TFB1M: variants seen among roughly 807,000 people sequenced by gnomAD.
TFB1M encodes the protein dimethyladenosine transferase 1, mitochondrial.
In TFB1M, 27 loss-of-function variants were observed where a neutral mutation model predicts 31.1. The ratio of observed to expected loss-of-function variants is 0.87; its 90% CI spans 0.64 to 1.20. TFB1M has a LOEUF of 1.20. TFB1M is among the 50% of genes most tolerant of loss of function. The pLI is 0.00. For missense variants in TFB1M, 394 were observed against 418.7 expected (o/e 0.94, Z 0.51); for synonymous variants, 166 against 151.8 (o/e 1.09, Z -0.69).
At chr6:155,278,202 A>G (rs187383699) in intron 5 of TFB1M, among the ~76,000 whole-genome samples, 12 of 152,258 alleles carry the variant, frequency 7.9e-5, no homozygotes, top group African/African-American at 2.6e-4. Context: ...CCTCACTACC[A>G]AAGCTCCTGC....
chr6:155,254,079 G>A (rs764865809), downstream of TFB1M: 21 of 1,605,260 alleles, frequency 1.3e-5, no homozygotes, highest in Non-Finnish European at 1.8e-5. Flanking sequence ...GACTTCCAAA[G>A]ATTAAAACCA....
chr6:155,286,786 G>A lies in TFB1M; in HGVS notation c.547-1509C>T, dbSNP rs141522870. 3.2e-3 allele frequency among the ~76,000 whole-genome samples: 479 copies of A among 151,420 alleles called. 6 individuals are homozygous for A. The highest frequency in any genetic ancestry group is 3.3e-3 in the Non-Finnish European group (226 of 67,866). On this transcript the variant is annotated intron_variant, in intron 4 of 6. Transcript: ENST00000367166. The stretch of plus-strand genomic sequence containing the variant: ...GAGGCCAGGAGTTCAAGATCAGCCT[G>A]GGCAACAGAGCAAGACGCCCTCCTC...
chr6:155,258,878 T>A (rs1316706152), intron 6 of TFB1M, among the ~76,000 whole-genome samples: 1 of 144,718 alleles, frequency 6.9e-6, no homozygotes, highest in Non-Finnish European at 1.5e-5. Flanking sequence ...ATCTTTGAGT[T>A]CAGTTTCATG....
At chr6:155,231,893 G>C in the TFB1M span, among the ~76,000 whole-genome samples, 1 of 152,194 alleles carries the variant, frequency 6.6e-6, no homozygotes, top group Non-Finnish European at 1.5e-5. Flanking sequence ...TGACCAACAT[G>C]ATGAAACTGA....
At chr6:155,263,724 T>G (rs1784494517) in intron 5 of TFB1M, among the ~76,000 whole-genome samples, 1 of 152,168 alleles carries the variant, frequency 6.6e-6, no homozygotes, top group Non-Finnish European at 1.5e-5. Flanking sequence ...GACGTACAAC[T>G]CAGTTCCTGA....
chr6:155,261,607 C>T (rs1226635793), intron 5 of TFB1M, among the ~76,000 whole-genome samples: 9 of 152,126 alleles, frequency 5.9e-5, no homozygotes, highest in African/African-American at 1.4e-4. Context: ...CAGCCTGACG[C>T]GCTTGTGGGA....
the TFB1M span, among the ~76,000 whole-genome samples, chr6:155,245,033 C>T: frequency 5.8e-4 from 88 of 152,288 alleles, no homozygotes; most frequent in African/African-American, 2.0e-3. Flanking sequence ...TTGTTGACCA[C>T]GTACGTGCTC....
At chr6:155,312,970 G>C (rs1338450216) in intron 1 of TFB1M, among the ~76,000 whole-genome samples, 1 of 152,086 alleles carries the variant, frequency 6.6e-6, no homozygotes, top group African/African-American at 2.4e-5. Context: ...GGAAACTACT[G>C]GACATGGTGG....
intron 4 of TFB1M, among the ~76,000 whole-genome samples, chr6:155,287,551 AGTGT>A (rs150032717): frequency 3.4e-4 from 50 of 147,512 alleles, no homozygotes; most frequent in African/African-American, 1.2e-3. Flanking sequence ...ATTTACTCTG[AGTGT>A]GTGTGTGTGT....
chr6:155,250,187 T>TTGTC, the TFB1M span, among the ~76,000 whole-genome samples: 1 of 152,158 alleles, frequency 6.6e-6, no homozygotes, highest in East Asian at 1.9e-4. Flanking sequence ...CACGTTCACA[T>TTGTC]TGTCTGGAAC....
intron 4 of TFB1M, among the ~76,000 whole-genome samples, chr6:155,295,095 A>G (rs537231343): frequency 1.3e-5 from 2 of 152,336 alleles, no homozygotes; most frequent in African/African-American, 4.8e-5. Flanking sequence ...GGCTGGGCGC[A>G]GTGGCTCACG....
At chr6:155,274,882 TTTA>T (rs1785096116) in intron 5 of TFB1M, among the ~76,000 whole-genome samples, 1 of 152,244 alleles carries the variant, frequency 6.6e-6, no homozygotes, top group African/African-American at 2.4e-5. Flanking sequence ...GTGGCCTTAA[TTTA>T]TTTTCTTCCT....
chr6:155,257,830 C>CG lies in TFB1M; in HGVS notation c.*5_*6insC. On this transcript the variant is annotated 3_prime_UTR_variant, in exon 7 of 7. Transcript: ENST00000367166. ...ATCTGGTAGGCTGCTCGCCCCCAGG[C>CG]AGCAGCTAGAGTCTGTAATTCTCTG... is the stretch of plus-strand genomic sequence containing the variant. The CG allele has an allele frequency of 6.2e-7, 1 of 1,614,064 alleles. No individual in the cohort carries two copies. Among genetic ancestry groups the CG allele is most frequent in the East Asian group, 2.2e-5 (1 of 44,888 alleles).
At chr6:155,254,370 C>T (rs371947557), downstream of TFB1M, 143 of 1,593,118 alleles carry the variant, frequency 9.0e-5, no homozygotes, top group Middle Eastern at 5.0e-4. Context: ...AATGGAAGCA[C>T]GATGAACACT....
chr6:155,304,940 C>G (rs1007458484), intron 2 of TFB1M, among the ~76,000 whole-genome samples: 2 of 150,036 alleles, frequency 1.3e-5, no homozygotes, highest in African/African-American at 4.9e-5. Context: ...TGATTTTTGA[C>G]AATAGTACTA....
rs1784048020 is a variant in TFB1M at position 155,256,595 on chromosome 6, C to T, written c.*1241G>A. On this transcript the variant is annotated 3_prime_UTR_variant, in exon 7 of 7. Coordinates refer to ENST00000367166, the MANE Select transcript of TFB1M (RefSeq NM_016020.4). The stretch of plus-strand genomic sequence containing the variant: ...GACGAGGGCAGCTTGAGCAGCGGCA[C>T]CCAGAGCAGCGGCTGCCCCACGGCT... 6.2e-7 allele frequency: 1 copy of T among 1,614,046 alleles called. No homozygotes were observed. The highest frequency in any genetic ancestry group is 8.5e-7 in the Non-Finnish European group (1 of 1,179,944).
At position 155,297,221 on chromosome 6, in the gene TFB1M, A is replaced by G. The variant is rs1164287871; in HGVS notation, c.395-117T>C. 6 of 1,089,402 alleles carry G rather than the reference A, an allele frequency of 5.5e-6. No individual in the cohort carries two copies. The African/African-American group carries it at 9.6e-5, about 17-fold the overall frequency. The allele number at this position is 1,089,402 out of a possible 1,614,324, so 67.5% of individuals were successfully genotyped here. A position where few individuals can be genotyped will look rare whatever the true frequency, so the allele number is the denominator to read the frequency against. On this transcript the variant is annotated intron_variant, in intron 3 of 6. Transcript: ENST00000367166. ...TAGCATCAAAGAAAAATATATAAAT[A>G]GACATGGCTAAATTTTTTTTTTCAC...
In TFB1M at chr6:155,291,166, C is replaced by T. The variant is rs541948627; in HGVS notation, c.546+5787G>A. ...ACTGTCATCTGAAGTGAGGCGCAGT[C>T]TTGTGGGACTTGGCCCTTAACTTGT... On this transcript the variant is annotated intron_variant, in intron 4 of 6. Coordinates refer to ENST00000367166, the MANE Select transcript of TFB1M (RefSeq NM_016020.4). 7.2e-5 allele frequency among the ~76,000 whole-genome samples: 11 copies of T among 152,290 alleles called. No individual in the cohort carries two copies. The South Asian group carries it at 2.3e-3, about 32-fold the overall frequency.
chr6:155,240,450 G>C, the TFB1M span: 1 of 1,459,106 alleles, frequency 6.9e-7, no homozygotes, highest in Non-Finnish European at 9.2e-7. Context: ...CACAGACGGA[G>C]ACACTTGGTG....
Sources: allele counts gnomAD v4.1 joint callset (sites outside exome capture counted in the v4.1 genomes callset), GRCh38; gene constraint gnomAD v4.1.1; transcripts MANE v1.5; gene names NCBI Gene and HGNC (gene_info 2026-07-23, HGNC 2026-07-21).